Variants in CEP44 observed in about 807,000 individuals in gnomAD.
The protein encoded by CEP44 is centrosomal protein of 44 kDa.
In CEP44, 45 loss-of-function variants were observed where a neutral mutation model predicts 46.7. That is an observed-to-expected ratio of 0.96 (90% CI 0.76 to 1.24). The LOEUF is 1.24. CEP44 is among the 50% of genes most tolerant of loss of function. The pLI, the probability that CEP44 is intolerant of heterozygous loss-of-function variation, is 0.00. For synonymous variants in CEP44, 142 were observed against 146.0 expected (o/e 0.97, Z 0.20); for missense variants, 475 against 459.7 (o/e 1.03, Z -0.30).
chr4:174,317,874 G>A lies in CEP44; in HGVS notation c.*491G>A, dbSNP rs187916014. 2.0e-6 allele frequency: 2 copies of A among 985,400 alleles called. No homozygotes were observed. Among genetic ancestry groups the A allele is most frequent in the Admixed American group, 6.1e-5 (1 of 16,266 alleles). 61.0% of individuals were successfully genotyped at this position (985,400 alleles called of 1,614,324 possible). On this transcript the variant is annotated 3_prime_UTR_variant, in exon 12 of 12. Coordinates refer to ENST00000503780, the MANE Select transcript of CEP44 (RefSeq NM_001040157.3). ...ATTGAAAATTAAATAAAACAAAAAG[G>A]CAGTTATTTCATGCTTGGTCAAAAA...
In CEP44 at chr4:174,287,545, T is replaced by C. The variant is rs1737704787; in HGVS notation, c.-148+3602T>C. On this transcript the variant is annotated intron_variant, in intron 1 of 11. Coordinates refer to ENST00000503780, the MANE Select transcript of CEP44 (RefSeq NM_001040157.3). The surrounding 1 kb of genome is among the most constrained non-coding windows in gnomAD (Gnocchi z 5.1). ...CATCCTTATCCAGGTCCAGGAACTT[T>C]ATCCCAGATACCATTTCTGTTATTT... 6.6e-6 allele frequency among the ~76,000 whole-genome samples: 1 copy of C among 152,206 alleles called. No homozygotes were observed. The highest frequency in any genetic ancestry group is 1.5e-5 in the Non-Finnish European group (1 of 68,034).
intron 1 of CEP44, among the ~76,000 whole-genome samples, chr4:174,296,810 G>A (rs1374230418): frequency 1.5e-5 from 2 of 136,308 alleles, no homozygotes; most frequent in African/African-American, 5.6e-5. Flanking sequence ...TTCTCATAGA[G>A]GAGTGTTGAA....
intron 1 of CEP44, among the ~76,000 whole-genome samples, chr4:174,295,045 C>G (rs1441065259): frequency 7.1e-6 from 1 of 140,474 alleles, no homozygotes; most frequent in African/African-American, 2.9e-5. Flanking sequence ...CCCCCCACCT[C>G]CCTCCCGGAC....
At chr4:174,330,661 A>C (rs1731272977) in intron 8 of CEP44, among the ~76,000 whole-genome samples, 1 of 152,210 alleles carries the variant, frequency 6.6e-6, no homozygotes, top group Non-Finnish European at 1.5e-5. Context: ...TGTGCCAGGC[A>C]TAACACCATA....
At chr4:174,294,780 A>G (rs1250872366) in intron 1 of CEP44, among the ~76,000 whole-genome samples, 16 of 128,842 alleles carry the variant, frequency 1.2e-4, no homozygotes, top group African/African-American at 4.7e-4. Flanking sequence ...TCCCTCCCGG[A>G]CGGTGCGGCT....
Position 174,307,254 on chromosome 4 carries a change from C to G in CEP44, c.508-1435C>G, listed in dbSNP as rs189798704. Among the ~76,000 whole-genome samples, 12 of 152,162 alleles carry G rather than the reference C, an allele frequency of 7.9e-5. No homozygotes were observed. In the East Asian group the frequency reaches 2.3e-3, roughly 29 times the overall value. ...AACCAAAACATCATGGTACTAGTAC[C>G]AGAACAGACACATAGACCAATGGAA... is the stretch of plus-strand genomic sequence containing the variant. On this transcript the variant is annotated intron_variant, in intron 6 of 11. Transcript: ENST00000503780.
intron 1 of CEP44, among the ~76,000 whole-genome samples, chr4:174,285,755 C>T (rs1256584722): frequency 6.6e-6 from 1 of 152,150 alleles, no homozygotes; most frequent in Non-Finnish European, 1.5e-5. Flanking sequence ...CCGAAAGAAG[C>T]TCAGACCTAC....
At position 174,331,359 on chromosome 4, in the gene CEP44, G is replaced by T; in HGVS notation, c.1087-123G>T. On this transcript the variant is annotated intron_variant, in intron 8 of 8. Transcript: ENST00000426172. This position sits in a 1 kb window ranked among gnomAD's most constrained non-coding sequence, Gnocchi z 4.5. ...GTCTTCTTTAGGCATTATTTTCAGAGTACCTATTATGGAAGAGGAGGAAAT... is the reference window on the plus strand; with the variant it reads ...GTCTTCTTTAGGCATTATTTTCAGATTACCTATTATGGAAGAGGAGGAAAT... 1.0e-6 allele frequency: 1 copy of T among 963,698 alleles called. No homozygotes were observed. Among genetic ancestry groups the T allele is most frequent in the African/African-American group, 1.6e-5 (1 of 61,062 alleles). 59.7% of individuals were successfully genotyped at this position (963,698 alleles called of 1,614,324 possible). A position where few individuals can be genotyped will look rare whatever the true frequency, so the allele number is the denominator to read the frequency against.
intron 3 of CEP44, among the ~76,000 whole-genome samples, chr4:174,299,610 T>G (rs561075040): frequency 6.6e-6 from 1 of 152,354 alleles, no homozygotes; most frequent in African/African-American, 2.4e-5. Flanking sequence ...CAGTCTTTTC[T>G]TATCATTTAT....
chr4:174,308,583 C>G (rs1740710174), intron 6 of CEP44, 106 bp from the exon 7 acceptor site: 7 of 1,037,366 alleles, frequency 6.7e-6, no homozygotes, highest in Non-Finnish European at 9.8e-6. Context: ...CACACATTTA[C>G]TTGTGTAACA....
chr4:174,318,812 T>TG lies in CEP44; in HGVS notation c.*1429_*1430insG. 1.4e-6 allele frequency: 1 copy of TG among 728,130 alleles called. No individual in the cohort carries two copies. The allele number at this position is 728,130 out of a possible 1,614,324, so 45.1% of individuals were successfully genotyped here. On this transcript the variant is annotated 3_prime_UTR_variant, in exon 12 of 12. Transcript: ENST00000503780. ...AACATTTTTAGAATTCCTTTGTTTT[T>TG]TTTTTTTTTCTTTTTGAAACAGGGT...
At position 174,310,858 on chromosome 4, in the gene CEP44, C is replaced by T. The variant is rs1383912195; in HGVS notation, c.961C>T (p.His321Tyr). The T allele has an allele frequency of 1.2e-5, 17 of 1,398,000 alleles. No homozygotes were observed. The highest frequency in any genetic ancestry group is 1.8e-4 in the Middle Eastern group (1 of 5,576). The allele number at this position is 1,398,000 out of a possible 1,614,324, so 86.6% of individuals were successfully genotyped here. Reference sequence around the variant, plus strand: ...TAGTGACATGGACCTTCTGAATCCTCGTAAGTTTGTAAATACTATGAGAAT... The same window carrying T: ...TAGTGACATGGACCTTCTGAATCCTTGTAAGTTTGTAAATACTATGAGAAT... ...SCSDMDLLNP[H>Y]RKSEVERPAS... Residue 321 changes from histidine to tyrosine, a missense_variant and splice_region_variant, in exon 9 of 12, where the codon CAC becomes TAC. Physicochemically the swap from His to Tyr is moderately conservative, Grantham distance 83 (BLOSUM62 2). Coordinates refer to ENST00000503780, the MANE Select transcript of CEP44 (RefSeq NM_001040157.3). This position sits in a 1 kb window ranked among gnomAD's most constrained non-coding sequence, Gnocchi z 4.2.
At chr4:174,289,706 T>C (rs1383915699) in intron 1 of CEP44, among the ~76,000 whole-genome samples, 1 of 152,162 alleles carries the variant, frequency 6.6e-6, no homozygotes, top group Non-Finnish European at 1.5e-5. Flanking sequence ...ATTTTTAAAA[T>C]TGTTTTTCAA....
Position 174,301,217 on chromosome 4 carries a change from G to A in CEP44, c.90-822G>A, listed in dbSNP as rs1739667149. Among the ~76,000 whole-genome samples the A allele has an allele frequency of 1.3e-5, 2 of 152,110 alleles. No homozygotes were observed. Among genetic ancestry groups the A allele is most frequent in the South Asian group, 4.1e-4 (2 of 4,834 alleles). On this transcript the variant is annotated intron_variant, in intron 3 of 11. Transcript: ENST00000503780. The surrounding 1 kb of genome is among the most constrained non-coding windows in gnomAD (Gnocchi z 4.3). ...TATATAAGTACAAAATACTGCAATT[G>A]AACAAATGTAACTGGCAAATTGAAC...
intron 1 of CEP44, among the ~76,000 whole-genome samples, chr4:174,296,732 A>C (rs183171120): frequency 2.8e-5 from 4 of 141,876 alleles, no homozygotes; most frequent in Non-Finnish European, 4.6e-5. Flanking sequence ...TGTTATATCC[A>C]GTTGATAGAT....
Position 174,320,292 on chromosome 4 carries a change from T to C in CEP44, c.*2909T>C. 1.0e-6 allele frequency: 1 copy of C among 978,548 alleles called. No homozygotes were observed. Among genetic ancestry groups the C allele is most frequent in the Non-Finnish European group, 1.2e-6 (1 of 823,850 alleles). The allele number at this position is 978,548 out of a possible 1,614,324, so 60.6% of individuals were successfully genotyped here. ...TTCCTCTACTGTTTTTAATGTGATG[T>C]TGTAATATATTTTAAAAATAAAACT... On this transcript the variant is annotated 3_prime_UTR_variant, in exon 12 of 12. Transcript: ENST00000503780.
intron 4 of CEP44, among the ~76,000 whole-genome samples, chr4:174,302,554 C>A (rs1029843993): frequency 6.6e-6 from 1 of 151,764 alleles, no homozygotes; most frequent in Non-Finnish European, 1.5e-5. Flanking sequence ...TAAGAAGGAA[C>A]TATTACTGAC....
downstream of CEP44, among the ~76,000 whole-genome samples, chr4:174,322,524 G>A (rs1471276799): frequency 3.3e-5 from 5 of 151,936 alleles, no homozygotes; most frequent in Admixed American, 1.3e-4. Flanking sequence ...TCTTCATTTC[G>A]GTTTGTACAT....
rs941703038 is a variant in CEP44, at chr4:174,287,337, A to C, written c.-148+3394A>C. 2.1e-4 allele frequency among the ~76,000 whole-genome samples: 32 copies of C among 152,138 alleles called. No homozygotes were observed. The highest frequency in any genetic ancestry group is 4.6e-4 in the Non-Finnish European group (31 of 68,020). On this transcript the variant is annotated intron_variant, in intron 1 of 11. Coordinates refer to ENST00000503780, the MANE Select transcript of CEP44 (RefSeq NM_001040157.3). The surrounding 1 kb of genome is among the most constrained non-coding windows in gnomAD (Gnocchi z 5.1). The stretch of plus-strand genomic sequence containing the variant: ...GAAAAGAACTGGGTCTATTAGAGAA[A>C]ATTAATGAGGGGGATTAATTAGTTT...
Sources: gnomAD v4.1 joint callset for allele counts (sites outside exome capture counted in the v4.1 genomes callset) on GRCh38, gnomAD v4.1.1 for gene constraint, Gnocchi (gnomAD v3.1) non-coding constraint, MANE v1.5 for transcripts, NCBI Gene and HGNC (gene_info 2026-07-23, HGNC 2026-07-21) for gene names.